The following EPCAM variants were observed in gnomAD, a reference collection of about 807,000 sequenced individuals.
The protein encoded by EPCAM is adenocarcinoma-associated antigen.
In EPCAM, 39 loss-of-function variants were observed where a neutral mutation model predicts 40.0. That is an observed-to-expected ratio of 0.98 (90% CI 0.76 to 1.27). The LOEUF is 1.27. Ranked by LOEUF, EPCAM falls within the 50% of genes most tolerant of loss-of-function variation. The pLI is 0.00. For synonymous variants in EPCAM, 168 were observed against 132.3 expected, an observed-to-expected ratio of 1.27 and a Z score of -1.85; for missense variants, 503 against 381.2, an observed-to-expected ratio of 1.32 and a Z score of -2.66.
intron 7 of EPCAM, 29 bp downstream of exon 7, chr2:47,379,998 T>G: frequency 6.3e-7 from 1 of 1,582,616 alleles, no homozygotes; most frequent in Non-Finnish European, 8.6e-7. Flanking sequence ...AAATTTCATT[T>G]AAGGGTATAT....
At chr2:47,382,921 GTT>G (rs1005846726) in intron 7 of EPCAM, among the ~76,000 whole-genome samples, 36 of 151,888 alleles carry the variant, frequency 2.4e-4, no homozygotes, top group Non-Finnish European at 1.5e-4. Context: ...AGATGCATGT[GTT>G]TATATATGAT....
At chr2:47,381,085 CAAAAAAAAAAAAAAAA>C (rs60299402) in intron 7 of EPCAM, among the ~76,000 whole-genome samples, 3 of 38,998 alleles carry the variant, frequency 7.7e-5, no homozygotes, top group South Asian at 1.4e-3. Context: ...GACTCTGTCT[CAAAAAAAAAAAAAAAA>C]AAAAAAAAAA....
Position 47,379,805 on chromosome 2 carries a change from G to T in EPCAM, c.694G>T (p.Asp232Tyr), listed in dbSNP as rs989321602. The change falls in exon 7 of 9, where the codon GAC (aspartate) becomes TAC (tyrosine). Residue 232 changes from aspartate (D) to tyrosine (Y), a missense_variant. Transcript: ENST00000263735. Reference protein sequence around the residue: ...GESLFHSKKMDLTVNGEQLDL... With the variant: ...GESLFHSKKMYLTVNGEQLDL... ...ATCCTTGTTTCATTCTAAGAAAATG[G>T]ACCTGACAGTAAATGGGGAACAACT... The T allele has an allele frequency of 6.2e-7, 1 of 1,613,762 alleles. No homozygotes were observed. The highest frequency in any genetic ancestry group is 8.5e-7 in the Non-Finnish European group (1 of 1,179,924).
At chr2:47,373,424 A>G (rs1172277777) in intron 1 of EPCAM, 39 bp from the exon 2 acceptor site, 1 of 1,278,468 alleles carries the variant, frequency 7.8e-7, no homozygotes, top group Non-Finnish European at 1.1e-6. Context: ...GAGTTAATAG[A>G]TCCACATTTT....
intron 7 of EPCAM, among the ~76,000 whole-genome samples, chr2:47,380,286 C>T (rs532040937): frequency 6.6e-6 from 1 of 152,036 alleles, no homozygotes; most frequent in Admixed American, 6.6e-5. Context: ...CACTGCACTC[C>T]AGCCTGGGCA....
chr2:47,379,168 T>A, intron 6 of EPCAM, 114 bp downstream of exon 6: 1 of 704,184 alleles, frequency 1.4e-6, no homozygotes, highest in Middle Eastern at 2.6e-4. Flanking sequence ...AATGGTTCGC[T>A]GCTGCCGTTA....
At chr2:47,376,909 T>G in intron 4 of EPCAM, 105 bp from the exon 5 acceptor site, 1 of 739,056 alleles carries the variant, frequency 1.4e-6, no homozygotes, top group East Asian at 2.6e-5. Flanking sequence ...AATTTTAACT[T>G]TAATGACAGT....
chr2:47,372,963 T>G (rs1671315064), intron 1 of EPCAM, among the ~76,000 whole-genome samples: 1 of 151,878 alleles, frequency 6.6e-6, no homozygotes, highest in Non-Finnish European at 1.5e-5. Context: ...CCCAGCACTT[T>G]GGGAGGCTGA....
rs776854951 is a variant in EPCAM, at chr2:47,379,884, A to G, written c.773A>G (p.Glu258Gly). The G allele has an allele frequency of 6.2e-7, 1 of 1,614,184 alleles. No individual in the cohort carries two copies. Among genetic ancestry groups the G allele is most frequent in the Non-Finnish European group, 8.5e-7 (1 of 1,180,044 alleles). Residue 258 changes from glutamate to glycine, a missense_variant, in exon 7 of 9, where the codon GAA (glutamate) becomes GGA (glycine). By Grantham distance (98) the Glu-to-Gly change is moderately conservative (BLOSUM62 -2). Coordinates refer to ENST00000263735, the MANE Select transcript of EPCAM (RefSeq NM_002354.3). ...TATTATGTTGATGAAAAAGCACCTG[A>G]ATTCTCAATGCAGGGTCTAAAAGCT... is the stretch of plus-strand genomic sequence containing the variant. ...LIYYVDEKAP[E>G]FSMQGLKAGV...
intron 7 of EPCAM, among the ~76,000 whole-genome samples, chr2:47,383,606 T>TC (rs1671655661): frequency 1.9e-5 from 2 of 104,330 alleles, no homozygotes; most frequent in Admixed American, 1.1e-4. Context: ...CCCGGCTTCT[T>TC]CTTTTTTTTT....
intron 8 of EPCAM, among the ~76,000 whole-genome samples, chr2:47,385,735 G>T (rs1671729511): frequency 6.6e-6 from 1 of 151,744 alleles, no homozygotes; most frequent in South Asian, 2.1e-4. Context: ...CTCAATTTTT[G>T]TGTGTCTTTG....
chr2:47,384,826 C>T (rs182965676), intron 7 of EPCAM, among the ~76,000 whole-genome samples: 1 of 152,246 alleles, frequency 6.6e-6, no homozygotes, highest in African/African-American at 2.4e-5. Context: ...GGTGCCTTAG[C>T]CTCCTGAGTA....
intron 5 of EPCAM, among the ~76,000 whole-genome samples, chr2:47,378,719 C>G (rs928266821): frequency 2.6e-5 from 4 of 152,064 alleles, no homozygotes; most frequent in Admixed American, 1.3e-4. Flanking sequence ...AAAAATTGTA[C>G]ATTGTAATTA....
Position 47,369,596 on chromosome 2 carries a change from G to A in EPCAM, c.76+15G>A, listed in dbSNP as rs2103738338. 1.3e-6 allele frequency: 2 copies of A among 1,584,280 alleles called. No homozygotes were observed. The highest frequency in any genetic ancestry group is 8.6e-7 in the Non-Finnish European group (1 of 1,167,162). On this transcript the variant is annotated intron_variant, in intron 1 of 8. Transcript: ENST00000263735. The stretch of plus-strand genomic sequence containing the variant: ...AGCTCAGGAAGGTGAGGCGCGGATT[G>A]GAGCAGAGTTGTGGAGCTGGGCTGG...
intron 8 of EPCAM, 128 bp from the exon 9 acceptor site, chr2:47,386,444 G>C: frequency 2.9e-6 from 2 of 678,718 alleles, no homozygotes; most frequent in Non-Finnish European, 5.0e-6. Context: ...ATTTAAATAA[G>C]TCTTATAAAT....
intron 3 of EPCAM, among the ~76,000 whole-genome samples, chr2:47,374,570 C>T (rs1671373333): frequency 6.6e-6 from 1 of 152,084 alleles, no homozygotes; most frequent in African/African-American, 2.4e-5. Context: ...CTTTGTTTTT[C>T]TGTTCTGGTC....
chr2:47,374,589 C>A (rs1251007061), intron 3 of EPCAM, among the ~76,000 whole-genome samples: 2 of 151,940 alleles, frequency 1.3e-5, no homozygotes, highest in Admixed American at 6.6e-5. Context: ...TCTTCTGGAG[C>A]CTCGTTGTCA....
chr2:47,375,479 A>G (rs553345902), intron 4 of EPCAM, among the ~76,000 whole-genome samples, 180 bp downstream of exon 4: 2 of 152,290 alleles, frequency 1.3e-5, no homozygotes, highest in South Asian at 2.1e-4. Context: ...AGATTCACCA[A>G]TTAACATTTT....
chr2:47,373,714 A>T (rs2103746564), intron 2 of EPCAM, 94 bp from the exon 3 acceptor site: 5 of 1,558,566 alleles, frequency 3.2e-6, no homozygotes, highest in African/African-American at 1.4e-5. Flanking sequence ...AATTTCAAAT[A>T]ATCTTTGACC....
Sources: allele counts gnomAD v4.1 joint callset (sites outside exome capture counted in the v4.1 genomes callset), GRCh38; gene constraint gnomAD v4.1.1; transcripts MANE v1.5; gene names NCBI Gene and HGNC (gene_info 2026-07-23, HGNC 2026-07-21).